Variants in RIMS2 observed in about 807,000 individuals in gnomAD.
The protein encoded by RIMS2 is regulating synaptic membrane exocytosis protein 2.
RIMS2 carries 59 observed loss-of-function variants against 174.4 expected under a neutral mutation model. That is an observed-to-expected ratio of 0.34 (90% CI 0.27 to 0.42). The LOEUF is 0.42. RIMS2 is among the 10% of genes least tolerant of loss of function. The pLI, the probability that RIMS2 is intolerant of heterozygous loss-of-function variation, is 1.00. For synonymous variants in RIMS2, 606 were observed against 572.5 expected, an observed-to-expected ratio of 1.06 and a Z score of -0.84; for missense variants, 1,620 against 1,666.3, an observed-to-expected ratio of 0.97 and a Z score of 0.48.
chr8:103,745,535 A>T (rs773726653), intron 2 of RIMS2, among the ~76,000 whole-genome samples: 2 of 152,178 alleles, frequency 1.3e-5, no homozygotes, highest in African/African-American at 2.4e-5. Flanking sequence ...TTTTTGAGGA[A>T]CTACCAAGTT....
At chr8:104,108,256 A>G (rs2098114947) in intron 19 of RIMS2, among the ~76,000 whole-genome samples, 1 of 152,046 alleles carries the variant, frequency 6.6e-6, no homozygotes, top group Non-Finnish European at 1.5e-5. Context: ...TTTAAGAGAC[A>G]AGGGTCTTGT....
intron 3 of RIMS2, among the ~76,000 whole-genome samples, chr8:103,864,039 G>A (rs192815334): frequency 7.2e-4 from 110 of 152,166 alleles, no homozygotes; most frequent in Middle Eastern, 3.4e-3. Context: ...CCCCAGAGCA[G>A]CTGGGACTAC....
intron 1 of RIMS2, among the ~76,000 whole-genome samples, chr8:103,613,965 A>G (rs1374953622): frequency 6.6e-6 from 1 of 152,204 alleles, no homozygotes; most frequent in African/African-American, 2.4e-5. Flanking sequence ...GTTAAGCATC[A>G]GGAAGGAAAC....
At chr8:104,228,239 A>G (rs1327044228) in intron 19 of RIMS2, among the ~76,000 whole-genome samples, 1 of 151,948 alleles carries the variant, frequency 6.6e-6, no homozygotes, top group Non-Finnish European at 1.5e-5. Context: ...CGTGTTAGCC[A>G]GGGTGGTCTC....
At chr8:103,850,222 G>C (rs1290383416) in intron 3 of RIMS2, among the ~76,000 whole-genome samples, 1 of 151,824 alleles carries the variant, frequency 6.6e-6, no homozygotes, top group East Asian at 1.9e-4. Flanking sequence ...AATTACATAT[G>C]ACCGTATATT....
In RIMS2 at chr8:104,014,565, G is replaced by C. The variant is rs752574736; in HGVS notation, c.3284G>C (p.Arg1095Pro). 1 of 1,613,218 alleles carries C rather than the reference G, an allele frequency of 6.2e-7. No individual in the cohort carries two copies. The highest frequency in any genetic ancestry group is 1.7e-5 in the Admixed American group (1 of 59,980). The change falls in exon 19 of 24, where the codon CGA becomes CCA. Residue 1095 changes from arginine (R) to proline (P), a missense_variant. This residue lies in a region of RIMS2 where 1,395 missense variants were observed against 1,360.1 expected (regional missense o/e 1.03). Coordinates refer to ENST00000504942, the Ensembl canonical transcript of RIMS2. ...CCATCAAGTACTCCAGTCGCAGGAC[G>C]AAGGGGCCGACAGCTTCCACAGCTT...
At chr8:103,868,535 T>C (rs922404221) in intron 3 of RIMS2, among the ~76,000 whole-genome samples, 27 of 152,112 alleles carry the variant, frequency 1.8e-4, no homozygotes, top group African/African-American at 6.5e-4. Context: ...GGAATGTGTT[T>C]AGTAGTCATT....
intron 3 of RIMS2, among the ~76,000 whole-genome samples, chr8:103,803,405 G>A (rs1001519918): frequency 3.3e-5 from 5 of 152,090 alleles, no homozygotes; most frequent in African/African-American, 1.2e-4. Flanking sequence ...TAAAATCCTT[G>A]AAGACCTCAA....
chr8:104,140,044 G>A (rs903893494), intron 19 of RIMS2, among the ~76,000 whole-genome samples: 7 of 152,022 alleles, frequency 4.6e-5, no homozygotes. Context: ...CCTTCATTCT[G>A]TTGATACAAT....
intron 19 of RIMS2, among the ~76,000 whole-genome samples, chr8:104,229,709 C>G (rs568566351): frequency 2.0e-5 from 3 of 152,156 alleles, no homozygotes; most frequent in African/African-American, 2.4e-5. Context: ...CCAATGGCAT[C>G]CAAGTTCACC....
chr8:103,629,842 A>G (rs2095869401), intron 1 of RIMS2, among the ~76,000 whole-genome samples: 1 of 152,142 alleles, frequency 6.6e-6, no homozygotes. Context: ...AGTAATACCA[A>G]TTTTAAAATC....
intron 19 of RIMS2, among the ~76,000 whole-genome samples, chr8:104,205,154 G>C (rs1477251119): frequency 6.6e-6 from 1 of 152,072 alleles, no homozygotes; most frequent in Non-Finnish European, 1.5e-5. Context: ...AAATTTGTTA[G>C]GAATGTGAAA....
rs556240974 is a variant in RIMS2 at position 103,668,652 on chromosome 8, C to T, written c.177-28434C>T. On this transcript the variant is annotated intron_variant, in intron 1 of 23. Coordinates refer to ENST00000504942, the Ensembl canonical transcript of RIMS2. ...TCCATGGTGAGTCATGGAGTATAGA[C>T]GATTTATTTATTTATTTATTTATTT... Among the ~76,000 whole-genome samples the T allele has an allele frequency of 9.4e-5, 12 of 127,258 alleles. No homozygotes were observed. The South Asian group carries it at 1.6e-3, about 17-fold the overall frequency. The allele number at this position is 127,258 out of a possible 152,430, so 83.5% of individuals were successfully genotyped here.
intron 3 of RIMS2, among the ~76,000 whole-genome samples, chr8:103,863,542 A>G (rs1195551191): frequency 6.6e-6 from 1 of 151,770 alleles, no homozygotes; most frequent in East Asian, 1.9e-4. Context: ...TGTATGTCTG[A>G]TAGAATTTGG....
At chr8:103,578,525 T>C (rs2093402544) in intron 1 of RIMS2, among the ~76,000 whole-genome samples, 1 of 151,824 alleles carries the variant, frequency 6.6e-6, no homozygotes. Context: ...AGTGAGCTCC[T>C]GTCAAAACAA....
chr8:104,131,062 T>C (rs944849888), intron 19 of RIMS2, among the ~76,000 whole-genome samples: 2 of 152,186 alleles, frequency 1.3e-5, no homozygotes, highest in Non-Finnish European at 2.9e-5. Context: ...ATTAAAGAAA[T>C]TCTCTCAATA....
chr8:103,690,242 T>A (rs1241803979), intron 1 of RIMS2, among the ~76,000 whole-genome samples: 3 of 152,100 alleles, frequency 2.0e-5, no homozygotes, highest in Admixed American at 6.5e-5. Flanking sequence ...GGGATTATAG[T>A]CATGAGCCAC....
intron 2 of RIMS2, among the ~76,000 whole-genome samples, chr8:103,749,110 A>T (rs1462056747): frequency 2.9e-5 from 4 of 138,176 alleles, no homozygotes; most frequent in Admixed American, 1.4e-4. Context: ...TATGCTTTCT[A>T]TTTTTTTTTT....
intron 1 of RIMS2, among the ~76,000 whole-genome samples, chr8:103,553,746 G>A (rs891299195): frequency 6.7e-6 from 1 of 149,828 alleles, no homozygotes; most frequent in Non-Finnish European, 1.5e-5. Context: ...AATAGCCAAG[G>A]CAATCCTAAG....
Sources: allele counts gnomAD v4.1 joint callset (sites outside exome capture counted in the v4.1 genomes callset), GRCh38; gene constraint gnomAD v4.1.1; regional missense constraint gnomAD v4.1.1; transcripts MANE v1.5; gene names NCBI Gene and HGNC (gene_info 2026-07-23, HGNC 2026-07-21).